Variants in CDH18 observed in about 807,000 individuals in gnomAD.
CDH18 encodes cadherin-18.
In CDH18, 31 loss-of-function variants were observed where a neutral mutation model predicts 67.9. The ratio of observed to expected loss-of-function variants is 0.46; its 90% CI spans 0.34 to 0.62. CDH18 has a LOEUF of 0.62. Ranked by LOEUF, CDH18 falls within the 20% of genes least tolerant of loss-of-function variation. The pLI, the probability that CDH18 is intolerant of heterozygous loss-of-function variation, is 0.01. For missense variants in CDH18, 890 were observed against 975.5 expected (o/e 0.91, Z 1.17); for synonymous variants, 362 against 347.2 (o/e 1.04, Z -0.48).
intron 1 of CDH18, among the ~76,000 whole-genome samples, chr5:20,265,437 T>C (rs747924107): frequency 1.3e-5 from 2 of 152,062 alleles, no homozygotes; most frequent in Non-Finnish European, 2.9e-5. Flanking sequence ...TCTGGATGTA[T>C]ACTATTTCTG....
intron 12 of CDH18, among the ~76,000 whole-genome samples, chr5:19,476,392 T>C (rs1413062588): frequency 1.3e-5 from 2 of 152,110 alleles, no homozygotes; most frequent in African/African-American, 2.4e-5. Flanking sequence ...GATTTTCCCA[T>C]ATACGTTGCC....
At position 19,962,378 on chromosome 5, in the gene CDH18, CA is replaced by C. The variant is rs3065078; in HGVS notation, c.-257+18681del. On this transcript the variant is annotated intron_variant, in intron 2 of 12. Coordinates refer to ENST00000382275, the MANE Select transcript of CDH18 (RefSeq NM_004934.5). ...AATTTAGAGAATAAACGTCAAAAAG[CA>C]AAAAAAAAAAAAAAAAAGAAAATTC... Among the ~76,000 whole-genome samples, 52 of 51,588 alleles carry C rather than the reference CA, an allele frequency of 1.0e-3. 3 individuals are homozygous for C. Among genetic ancestry groups the C allele is most frequent in the East Asian group, 7.1e-3 (13 of 1,824 alleles). 33.8% of individuals were successfully genotyped at this position (51,588 alleles called of 152,430 possible). A position where few individuals can be genotyped will look rare whatever the true frequency, so the allele number is the denominator to read the frequency against.
rs576290603 is a variant in CDH18 at position 20,461,586 on chromosome 5, G to C, written c.-580+113876C>G. On this transcript the variant is annotated intron_variant, in intron 1 of 14. Coordinates refer to the CDH18 transcript ENST00000507958. ...AGCCCCTTTCTCTCCTCTTCTCACT[G>C]TTCTTATGCTTATCAAACCTCTTCT... Among the ~76,000 whole-genome samples, 32 of 151,998 alleles carry C rather than the reference G, an allele frequency of 2.1e-4. 1 individual carries two copies. The South Asian group carries it at 6.4e-3, about 31-fold the overall frequency.
chr5:20,020,732 G>A (rs578081228), intron 2 of CDH18, among the ~76,000 whole-genome samples: 1 of 152,242 alleles, frequency 6.6e-6, no homozygotes, highest in African/African-American at 2.4e-5. Flanking sequence ...TGTCTATGAA[G>A]AAGTCTGCTG....
chr5:19,721,320 A>G, intron 5 of CDH18, 27 bp downstream of exon 5: 1 of 1,541,784 alleles, frequency 6.5e-7, no homozygotes, highest in Non-Finnish European at 8.8e-7. Flanking sequence ...AAACGCTTGC[A>G]TGCGAGTTAT....
At chr5:19,983,450 T>A (rs2150367233) in intron 1 of CDH18, among the ~76,000 whole-genome samples, 1 of 152,306 alleles carries the variant, frequency 6.6e-6, no homozygotes, top group Non-Finnish European at 1.5e-5. Context: ...ACAATTCATC[T>A]ATCATATTCC....
At chr5:19,805,843 G>A (rs2149871454) in intron 3 of CDH18, among the ~76,000 whole-genome samples, 1 of 152,180 alleles carries the variant, frequency 6.6e-6, no homozygotes, top group African/African-American at 2.4e-5. Flanking sequence ...CAACAACAAA[G>A]CATCCTCTCT....
At chr5:19,809,447 GCAGCACAGCAA>G (rs1778403888) in intron 3 of CDH18, among the ~76,000 whole-genome samples, 1 of 152,256 alleles carries the variant, frequency 6.6e-6, no homozygotes, top group East Asian at 1.9e-4. Context: ...ATTAATGGGT[GCAGCACAGCAA>G]CAGGGCACAT....
intron 2 of CDH18, among the ~76,000 whole-genome samples, chr5:20,237,171 C>G (rs1166525180): frequency 6.6e-6 from 1 of 151,838 alleles, no homozygotes; most frequent in East Asian, 1.9e-4. Flanking sequence ...AAGAGAACTA[C>G]AGCAAACTGA....
At chr5:19,690,912 T>C (rs1355911311) in intron 5 of CDH18, among the ~76,000 whole-genome samples, 4 of 151,888 alleles carry the variant, frequency 2.6e-5, no homozygotes, top group Admixed American at 1.3e-4. Flanking sequence ...GAATTCTTCC[T>C]AACACATTAT....
intron 2 of CDH18, among the ~76,000 whole-genome samples, chr5:20,032,727 G>C (rs1739512276): frequency 6.6e-6 from 1 of 151,858 alleles, no homozygotes; most frequent in Admixed American, 6.6e-5. Flanking sequence ...AGAATATGTG[G>C]GTGATGTTCC....
chr5:20,370,042 CT>C (rs1742847658), intron 1 of CDH18, among the ~76,000 whole-genome samples: 1 of 152,034 alleles, frequency 6.6e-6, no homozygotes, highest in African/African-American at 2.4e-5. Context: ...TTATTAATAT[CT>C]TTTATTTCTA....
intron 2 of CDH18, among the ~76,000 whole-genome samples, chr5:20,041,292 G>T (rs925090405): frequency 6.6e-6 from 1 of 152,122 alleles, no homozygotes; most frequent in Non-Finnish European, 1.5e-5. Flanking sequence ...CTTAAATTCA[G>T]TGTAGCTTAG....
chr5:19,971,820 C>T (rs376607187), intron 2 of CDH18, among the ~76,000 whole-genome samples: 3 of 149,674 alleles, frequency 2.0e-5, no homozygotes, highest in Non-Finnish European at 3.0e-5. Context: ...ATGTAACAAA[C>T]GTAACTTGTG....
At chr5:19,476,038 A>C (rs1049392435) in intron 12 of CDH18, among the ~76,000 whole-genome samples, 15 of 152,082 alleles carry the variant, frequency 9.9e-5, no homozygotes, top group Non-Finnish European at 2.1e-4. Flanking sequence ...GAAGAGGAGT[A>C]GATTTTAAAG....
rs547118118 is a variant in CDH18, at chr5:20,402,605, A to G, written c.-579-147100T>C. Among the ~76,000 whole-genome samples, 15 of 152,182 alleles carry G rather than the reference A, an allele frequency of 9.9e-5. No individual in the cohort carries two copies. The South Asian group carries it at 3.1e-3, about 32-fold the overall frequency. ...CTTTAAATTATAGTCTCTTCAGTGT[A>G]CAATAATATTGTCTAAAAACGTGGA... On this transcript the variant is annotated intron_variant, in intron 1 of 14. Transcript: ENST00000507958.
Position 20,384,930 on chromosome 5 carries a change from G to A in CDH18, c.-579-129425C>T, listed in dbSNP as rs942487332. ...CGGCTCGCTGCAACCTCCGCCTCCC[G>A]GGTTCTAGTGATTCTCCTGCCTCAG... On this transcript the variant is annotated intron_variant, in intron 1 of 14. Transcript: ENST00000507958. Among the ~76,000 whole-genome samples the A allele has an allele frequency of 4.6e-5, 7 of 151,978 alleles. No individual in the cohort carries two copies. The South Asian group carries it at 6.2e-4, about 14-fold the overall frequency.
At chr5:19,938,298 C>T (rs1794485936) in intron 2 of CDH18, among the ~76,000 whole-genome samples, 1 of 151,096 alleles carries the variant, frequency 6.6e-6, no homozygotes, top group African/African-American at 2.4e-5. Context: ...TGGTTAACTT[C>T]TGCTCATATC....
chr5:20,172,223 T>TACGTATATATATATATAC (rs1554098639), intron 2 of CDH18, among the ~76,000 whole-genome samples: 3 of 43,922 alleles, frequency 6.8e-5, no homozygotes, highest in Non-Finnish European at 1.2e-4. Flanking sequence ...TATATATATA[T>TACGTATATATATATATAC]GTATATATAT....
Sources: gnomAD v4.1 joint callset for allele counts (sites outside exome capture counted in the v4.1 genomes callset) on GRCh38, gnomAD v4.1.1 for gene constraint, MANE v1.5 for transcripts, NCBI Gene and HGNC (gene_info 2026-07-23, HGNC 2026-07-21) for gene names.